NXN: variants seen among roughly 807,000 people sequenced by gnomAD.
The protein encoded by NXN is nucleoredoxin, also known as nucleoredoxin 1.
A neutral mutation model predicts 48.6 loss-of-function variants in NXN; 16 were observed. The observed-to-expected ratio is 0.33, with a 90% CI of 0.22 to 0.50. The LOEUF is 0.50. NXN is among the 20% of genes least tolerant of loss of function. NXN has a pLI of 0.98. For missense variants in NXN, 492 were observed against 605.5 expected (o/e 0.81, Z 1.97); for synonymous variants, 281 against 269.6 (o/e 1.04, Z -0.41).
chr17:812,852 A>ATGTGTGTAGG (rs763848063), intron 5 of NXN, among the ~76,000 whole-genome samples: 2 of 127,794 alleles, frequency 1.6e-5, no homozygotes, highest in African/African-American at 6.0e-5. Context: ...AGGTGTGTGC[A>ATGTGTGTAGG]TGTGTGTAGG....
chr17:966,740 G>C (rs1460131506), intron 1 of NXN, among the ~76,000 whole-genome samples: 2 of 149,664 alleles, frequency 1.3e-5, no homozygotes, highest in African/African-American at 2.5e-5. Flanking sequence ...AGGTAGGGCA[G>C]CCAGCTGCCC....
intron 1 of NXN, among the ~76,000 whole-genome samples, chr17:977,295 G>A (rs957049123): frequency 6.6e-6 from 1 of 152,196 alleles, no homozygotes; most frequent in African/African-American, 2.4e-5. Flanking sequence ...AAATGTTTAA[G>A]ATGCTAACGC....
At chr17:900,469 C>G (rs1035541334) in intron 1 of NXN, among the ~76,000 whole-genome samples, 3 of 152,090 alleles carry the variant, frequency 2.0e-5, no homozygotes, top group African/African-American at 7.2e-5. Flanking sequence ...CTTGCAGGAA[C>G]AGAGAGGCAC....
chr17:938,057 T>G (rs1368075489), intron 1 of NXN, among the ~76,000 whole-genome samples: 1 of 152,184 alleles, frequency 6.6e-6, no homozygotes, highest in African/African-American at 2.4e-5. Context: ...GGGACCACAT[T>G]TGAAAACCCA....
intron 1 of NXN, among the ~76,000 whole-genome samples, chr17:841,471 G>C (rs865814165): frequency 0.023 from 1,779 of 77,434 alleles, 6 homozygotes; most frequent in African/African-American, 0.059. Context: ...ATCTCACACG[G>C]GCGAGCAGGT....
intron 1 of NXN, among the ~76,000 whole-genome samples, chr17:973,164 G>A (rs1160265922): frequency 6.6e-6 from 1 of 152,190 alleles, no homozygotes; most frequent in African/African-American, 2.4e-5. Flanking sequence ...CTACTCAGAG[G>A]CAGGCCTGAG....
chr17:852,967 T>C (rs73289802), intron 1 of NXN, among the ~76,000 whole-genome samples: 1,660 of 152,050 alleles, frequency 0.011, 24 homozygotes, highest in African/African-American at 0.038. Context: ...GGATGAGACC[T>C]AAAGTGTAAA....
At chr17:971,432 C>A (rs150172946) in intron 1 of NXN, among the ~76,000 whole-genome samples, 1 of 152,050 alleles carries the variant, frequency 6.6e-6, no homozygotes, top group Non-Finnish European at 1.5e-5. Context: ...AAAAACAGAC[C>A]GAGCGCGGTG....
At chr17:841,344 C>G (rs1040049469) in intron 1 of NXN, among the ~76,000 whole-genome samples, 2 of 152,066 alleles carry the variant, frequency 1.3e-5, no homozygotes, top group Admixed American at 6.6e-5. Context: ...TGCCGCCAAC[C>G]CTGCCAGGGC....
chr17:807,489 T>C (rs1911630602), intron 5 of NXN, among the ~76,000 whole-genome samples: 1 of 152,160 alleles, frequency 6.6e-6, no homozygotes, highest in Admixed American at 6.5e-5. Context: ...TCCGAGGGCC[T>C]CCTCCAAGCG....
chr17:919,174 C>T lies in NXN; in HGVS notation c.360+60145G>A, dbSNP rs1405768448. ...GGTCAGGAGATCGAGACCATCCTGG[C>T]TAACATGGTGAAAGCCCGTCTCTAC... On this transcript the variant is annotated intron_variant, in intron 1 of 7. Coordinates refer to ENST00000336868, the MANE Select transcript of NXN (RefSeq NM_022463.5). The surrounding 1 kb of genome is among the most constrained non-coding windows in gnomAD (Gnocchi z 5.1). Among the ~76,000 whole-genome samples, 1 of 152,094 alleles carries T rather than the reference C, an allele frequency of 6.6e-6. No individual in the cohort carries two copies. Among genetic ancestry groups the T allele is most frequent in the African/African-American group, 2.4e-5 (1 of 41,416 alleles).
intron 1 of NXN, among the ~76,000 whole-genome samples, chr17:850,024 A>G (rs1361595604): frequency 2.0e-5 from 3 of 151,970 alleles, no homozygotes; most frequent in Non-Finnish European, 4.4e-5. Context: ...GTGTTCGGAG[A>G]GTCTAACTCA....
intron 1 of NXN, among the ~76,000 whole-genome samples, chr17:852,253 A>G (rs1237862039): frequency 6.6e-6 from 1 of 152,152 alleles, no homozygotes; most frequent in Admixed American, 6.5e-5. Flanking sequence ...AAGTCCCATC[A>G]GCGAGAACCT....
Position 889,745 on chromosome 17 carries a change from A to G in NXN, c.361-63667T>C, listed in dbSNP as rs1567850298. Among the ~76,000 whole-genome samples the G allele has an allele frequency of 1.4e-4, 8 of 58,128 alleles. 1 individual carries two copies. The highest frequency in any genetic ancestry group is 3.2e-4 in the African/African-American group (4 of 12,310). 38.1% of individuals were successfully genotyped at this position (58,128 alleles called of 152,430 possible). On this transcript the variant is annotated intron_variant, in intron 1 of 7. Transcript: ENST00000336868. Reference sequence around the variant, plus strand: ...AAAGAAAGAAAGAAAGAAAGAAAGAAAGAAAGAAAGAAAGAAAAAGAAAGA... The same window carrying G: ...AAAGAAAGAAAGAAAGAAAGAAAGAGAGAAAGAAAGAAAGAAAAAGAAAGA...
At chr17:934,127 C>T (rs765177280) in intron 1 of NXN, among the ~76,000 whole-genome samples, 13 of 152,164 alleles carry the variant, frequency 8.5e-5, no homozygotes, top group African/African-American at 2.9e-4. Flanking sequence ...GAAGGCCAGG[C>T]GCCGTGGCTC....
At chr17:896,887 CTA>C (rs2144887645) in intron 1 of NXN, 1 of 1,228,818 alleles carries the variant, frequency 8.1e-7, no homozygotes, top group Admixed American at 2.7e-5. Flanking sequence ...CAAACTCACG[CTA>C]TTTCTCAGTT....
chr17:974,709 A>AGAC (rs2150645301), intron 1 of NXN, among the ~76,000 whole-genome samples: 1 of 152,254 alleles, frequency 6.6e-6, no homozygotes, highest in African/African-American at 2.4e-5. Flanking sequence ...GCCATGTATT[A>AGAC]GACTGCCTTA....
intron 1 of NXN, among the ~76,000 whole-genome samples, chr17:936,509 C>T (rs1029414448): frequency 3.3e-5 from 5 of 151,680 alleles, no homozygotes; most frequent in African/African-American, 4.8e-5. Flanking sequence ...TCCTTCCACA[C>T]CTTCCGGTCC....
chr17:925,787 C>T (rs1328148663), intron 1 of NXN, among the ~76,000 whole-genome samples: 1 of 152,196 alleles, frequency 6.6e-6, no homozygotes, highest in East Asian at 1.9e-4. Flanking sequence ...ACAAACGTTG[C>T]CCTGGCTCAA....
Sources: allele counts gnomAD v4.1 joint callset (sites outside exome capture counted in the v4.1 genomes callset), GRCh38; gene constraint gnomAD v4.1.1; non-coding constraint Gnocchi (gnomAD v3.1); transcripts MANE v1.5; gene names NCBI Gene and HGNC (gene_info 2026-07-23, HGNC 2026-07-21).